NWD1: variants seen among roughly 807,000 people sequenced by gnomAD.
NWD1 encodes NACHT domain- and WD repeat-containing protein 1.
A neutral mutation model predicts 135.1 loss-of-function variants in NWD1; 129 were observed. The observed-to-expected ratio is 0.96, with a 90% confidence interval of 0.83 to 1.11. NWD1 has a LOEUF of 1.11. Ranked by LOEUF, NWD1 falls within the 50% of genes least tolerant of loss-of-function variation. The pLI, the probability that NWD1 is intolerant of heterozygous loss-of-function variation, is 0.00. For missense variants in NWD1, 1,740 were observed against 1,851.3 expected (o/e 0.94, Z 1.10); for synonymous variants, 773 against 786.0 (o/e 0.98, Z 0.28).
In NWD1 at chr19:16,749,848, C is replaced by G; in HGVS notation, c.1206C>G (p.Pro402=). 6.2e-7 allele frequency: 1 copy of G among 1,612,496 alleles called. No homozygotes were observed. Residue 402 remains proline, a synonymous_variant, in exon 6 of 19, where the codon CCC becomes CCG. Coordinates refer to ENST00000524140, the MANE Select transcript of NWD1 (RefSeq NM_001007525.5). ...GCCTGGCCTATGGGCTGCCCTTGCC[C>G]CCTGCCCAGGTTCTGGACGCCCACA... The part of the protein sequence containing the change: ...QVCLAYGLPL[P]PAQVLDAHTR...
intron 17 of NWD1, among the ~76,000 whole-genome samples, chr19:16,802,252 G>T (rs538930175): frequency 1.3e-5 from 2 of 151,218 alleles, no homozygotes; most frequent in Non-Finnish European, 2.9e-5. Flanking sequence ...CAGCCTGGGT[G>T]ACAGAGCAAG....
At chr19:16,803,200 T>G (rs1389296317) in intron 17 of NWD1, among the ~76,000 whole-genome samples, 2 of 152,156 alleles carry the variant, frequency 1.3e-5, no homozygotes, top group Non-Finnish European at 2.9e-5. Flanking sequence ...CCTCCATGAT[T>G]CAATTATCTC....
At chr19:16,779,554 A>G (rs1969783651) in intron 12 of NWD1, 89 bp downstream of exon 12, 1 of 1,245,646 alleles carries the variant, frequency 8.0e-7, no homozygotes. Context: ...ACTTCTCTGT[A>G]TTGAAACCCT....
chr19:16,810,437 CAA>C (rs529841524), intron 18 of NWD1, among the ~76,000 whole-genome samples: 7 of 66,266 alleles, frequency 1.1e-4, no homozygotes, highest in Admixed American at 1.7e-4. Context: ...GACTCCATCT[CAA>C]AAAAAAAAAA....
chr19:16,745,019 T>C, intron 5 of NWD1: 1 of 567,598 alleles, frequency 1.8e-6, no homozygotes, highest in Non-Finnish European at 3.3e-6. Context: ...AATAAAGGCA[T>C]ACTTGAGGCT....
intron 4 of NWD1, chr19:16,738,233 G>A (rs1259335049): frequency 2.2e-6 from 1 of 455,022 alleles, no homozygotes; most frequent in Admixed American, 2.4e-5. Context: ...CAGGAGAAAT[G>A]TGCTGATCCC....
At chr19:16,791,663 CTTGAAAG>C in intron 14 of NWD1, 41 bp downstream of exon 14, 1 of 1,576,708 alleles carries the variant, frequency 6.3e-7, no homozygotes, top group Non-Finnish European at 8.7e-7. Context: ...ATTAACTCAG[CTTGAAAG>C]TGCTCAGATG....
chr19:16,768,587 A>G (rs1369291462), intron 10 of NWD1, among the ~76,000 whole-genome samples: 1 of 62,842 alleles, frequency 1.6e-5, no homozygotes, highest in African/African-American at 6.7e-5. Context: ...GTTCAGTGAT[A>G]GGGGCCTGTG....
chr19:16,744,911 C>T (rs1179200780), intron 5 of NWD1, 193 bp downstream of exon 5: 3 of 659,002 alleles, frequency 4.6e-6, no homozygotes, highest in Admixed American at 4.4e-5. Flanking sequence ...CCTGATCAAT[C>T]TTGGTCTCAG....
chr19:16,736,209 T>TTTCCTTCCTTCCTTCCTTCTTTCCTTCC (rs756580912), intron 3 of NWD1, among the ~76,000 whole-genome samples: 3 of 117,034 alleles, frequency 2.6e-5, no homozygotes, highest in Non-Finnish European at 5.3e-5. Context: ...TCCTTCCTTC[T>TTTCCTTCCTTCCTTCCTTCTTTCCTTCC]TTCCTTCCTT....
Position 16,807,860 on chromosome 19 carries a change from T to C in NWD1, c.4011T>C (p.Asp1337=). The C allele has an allele frequency of 6.2e-7, 1 of 1,614,194 alleles. No individual in the cohort carries two copies. The highest frequency in any genetic ancestry group is 1.1e-5 in the South Asian group (1 of 91,086). The change falls in exon 18 of 19, where the codon GAT becomes GAC. Residue 1337 remains aspartate (D), a synonymous_variant. Transcript: ENST00000524140. Reference sequence around the variant, plus strand: ...CCGGGGACCCCTGCCCGGTCATCGATGGGCCAAGATACACCTTTTACACTC... The same window carrying C: ...CCGGGGACCCCTGCCCGGTCATCGACGGGCCAAGATACACCTTTTACACTC... The part of the protein sequence containing the change: ...ITSGDPCPVI[D]GPRYTFYTQL...
chr19:16,799,838 G>A, intron 16 of NWD1, 48 bp from the exon 17 acceptor site: 1 of 1,528,510 alleles, frequency 6.5e-7, no homozygotes, highest in South Asian at 1.2e-5. Flanking sequence ...CTGAACTATA[G>A]TTGTCCACAG....
chr19:16,807,816 C>G lies in NWD1; in HGVS notation c.3967C>G (p.Leu1323Val), dbSNP rs186775916. 3.3e-5 allele frequency: 54 copies of G among 1,614,196 alleles called. No individual in the cohort carries two copies. In the East Asian group the frequency reaches 1.2e-3, roughly 35 times the overall value. ...GGCCATCGCCTATGACAACATCGTCCTGGTGCTGGACATCACCTCCGGGGA... is the reference window on the plus strand; with the variant it reads ...GGCCATCGCCTATGACAACATCGTCGTGGTGCTGGACATCACCTCCGGGGA... ...RLAIAYDNIV[L>V]VLDITSGDPC... The change falls in exon 18 of 19, where the codon CTG becomes GTG. Residue 1323 changes from leucine (L) to valine (V), a missense_variant. By Grantham distance (32) the Leu-to-Val change is conservative (BLOSUM62 1). Transcript: ENST00000524140.
intron 17 of NWD1, among the ~76,000 whole-genome samples, chr19:16,806,661 T>C (rs1010228318): frequency 6.6e-6 from 1 of 150,602 alleles, no homozygotes; most frequent in Admixed American, 6.6e-5. Flanking sequence ...CAGTGAGCCA[T>C]GTTCGTGCCA....
At chr19:16,806,266 G>A (rs1187758084) in intron 17 of NWD1, among the ~76,000 whole-genome samples, 4 of 152,012 alleles carry the variant, frequency 2.6e-5, no homozygotes, top group African/African-American at 9.7e-5. Context: ...TCCAATTCTC[G>A]CAGACCCAGC....
In NWD1 at chr19:16,747,345, TTTTATTTATTTA is replaced by T. The variant is rs78977506; in HGVS notation, c.497-1765_497-1754del. ...CACCCGCGCCTGGCTGACATTTTCT[TTTTATTTATTTA>T]TTTATTTATTTATTTATTTATTTAT... On this transcript the variant is annotated intron_variant, in intron 5 of 18. Coordinates refer to ENST00000524140, the MANE Select transcript of NWD1 (RefSeq NM_001007525.5). Among the ~76,000 whole-genome samples the T allele has an allele frequency of 9.5e-4, 136 of 143,260 alleles. 1 individual carries two copies. The highest frequency in any genetic ancestry group is 2.0e-3 in the South Asian group (9 of 4,460). The allele number at this position is 143,260 out of a possible 152,430, so 94.0% of individuals were successfully genotyped here.
chr19:16,801,195 C>T (rs181491248), intron 17 of NWD1, among the ~76,000 whole-genome samples: 2 of 152,130 alleles, frequency 1.3e-5, no homozygotes, highest in Non-Finnish European at 2.9e-5. Flanking sequence ...AGAAGAATAG[C>T]TTGAACCTGG....
chr19:16,738,842 T>TTA (rs1252646461), intron 4 of NWD1, among the ~76,000 whole-genome samples: 1 of 143,636 alleles, frequency 7.0e-6, no homozygotes, highest in African/African-American at 2.6e-5. Context: ...ACATTATATA[T>TTA]TATATATAAT....
chr19:16,765,234 C>A (rs1428322883), intron 10 of NWD1, 42 bp downstream of exon 10: 1 of 1,586,350 alleles, frequency 6.3e-7, no homozygotes, highest in Non-Finnish European at 8.6e-7. Flanking sequence ...AGGACGGGCA[C>A]TGACTTCTAG....
Sources: allele counts gnomAD v4.1 joint callset (sites outside exome capture counted in the v4.1 genomes callset), GRCh38; gene constraint gnomAD v4.1.1; transcripts MANE v1.5; gene names NCBI Gene and HGNC (gene_info 2026-07-23, HGNC 2026-07-21).